HECW2: variants seen among roughly 807,000 people sequenced by gnomAD.
HECW2 encodes the protein E3 ubiquitin-protein ligase HECW2.
HECW2 carries 61 observed loss-of-function variants against 175.2 expected under a neutral mutation model. That is an observed-to-expected ratio of 0.35 (90% CI 0.28 to 0.43). HECW2 has a LOEUF of 0.43. HECW2 is among the 20% of genes least tolerant of loss of function. The pLI is 1.00. For synonymous variants in HECW2, 671 were observed against 731.0 expected, an observed-to-expected ratio of 0.92 and a Z score of 1.32; for missense variants, 1,524 against 2,000.5, an observed-to-expected ratio of 0.76 and a Z score of 4.54.
In HECW2 at chr2:196,198,113, A is replaced by T. The variant is rs1297632786; in HGVS notation, c.*3164T>A. 6.6e-6 allele frequency: 1 copy of T among 152,208 alleles called. No individual in the cohort carries two copies. The highest frequency in any genetic ancestry group is 1.5e-5 in the Non-Finnish European group (1 of 68,028). The allele number at this position is 152,208 out of a possible 1,614,324, so 9.4% of individuals were successfully genotyped here. ...AGGGATTGGGATTTTTCACACTGAA[A>T]ACCAATGGTGCATTGTAGAATAGAT... On this transcript the variant is annotated 3_prime_UTR_variant, in exon 29 of 29. Coordinates refer to ENST00000644978, the MANE Select transcript of HECW2 (RefSeq NM_001348768.2).
chr2:196,491,472 G>GTATA lies in HECW2; in HGVS notation c.-35-58018_-35-58015dup, dbSNP rs71012914. The stretch of plus-strand genomic sequence containing the variant: ...ACACACTTAGGTATATTAGGTGTGT[G>GTATA]TATATATATATATACACATATATAT... On this transcript the variant is annotated intron_variant, in intron 1 of 28. Coordinates refer to ENST00000644978, the MANE Select transcript of HECW2 (RefSeq NM_001348768.2). Among the ~76,000 whole-genome samples, 497 of 137,054 alleles carry GTATA rather than the reference G, an allele frequency of 3.6e-3. 5 individuals are homozygous for GTATA. Among genetic ancestry groups the GTATA allele is most frequent in the South Asian group, 8.1e-3 (34 of 4,220 alleles). 89.9% of individuals were successfully genotyped at this position (137,054 alleles called of 152,430 possible).
Position 196,433,174 on chromosome 2 carries a change from C to T in HECW2, c.250G>A (p.Glu84Lys), listed in dbSNP as rs760407954. 2 of 1,614,006 alleles carry T rather than the reference C, an allele frequency of 1.2e-6. No individual in the cohort carries two copies. The highest frequency in any genetic ancestry group is 2.7e-5 in the African/African-American group (2 of 74,944). Reference sequence around the variant, plus strand: ...ATCCAATCACTGGGGTCCACCTCCTCTTTAATGTCCCAGAAGATAATGAGG... The same window carrying T: ...ATCCAATCACTGGGGTCCACCTCCTTTTTAATGTCCCAGAAGATAATGAGG... ...QNLIIFWDIK[E>K]EVDPSDWIGL... is the part of the protein sequence containing the mutation. Residue 84 changes from glutamate (E) to lysine (K), a missense_variant, in exon 2 of 29, where the codon GAG (glutamate) becomes AAG (lysine). This residue lies in a region of HECW2 where 135 missense variants were observed against 214.6 expected (regional missense o/e 0.63). Transcript: ENST00000644978.
In HECW2 at chr2:196,366,823, C is replaced by G. The variant is rs568848798; in HGVS notation, c.293-23059G>C. ...CCCTTCTCTAATTCAATTTATAACTCTTTAACTGCACAGTTAATGGGTTCT... is the reference window on the plus strand; with the variant it reads ...CCCTTCTCTAATTCAATTTATAACTGTTTAACTGCACAGTTAATGGGTTCT... On this transcript the variant is annotated intron_variant, in intron 2 of 28. Coordinates refer to ENST00000644978, the MANE Select transcript of HECW2 (RefSeq NM_001348768.2). Among the ~76,000 whole-genome samples the G allele has an allele frequency of 5.2e-4, 79 of 152,262 alleles. No individual in the cohort carries two copies. In the Middle Eastern group the frequency reaches 0.024, roughly 46 times the overall value.
At chr2:196,461,575 G>T (rs1696745207) in intron 1 of HECW2, among the ~76,000 whole-genome samples, 1 of 152,194 alleles carries the variant, frequency 6.6e-6, no homozygotes, top group Non-Finnish European at 1.5e-5. Flanking sequence ...AACTGCCCAA[G>T]ACTGGGTAAT....
At chr2:196,210,470 T>A (rs981910129) in intron 28 of HECW2, among the ~76,000 whole-genome samples, 2 of 152,164 alleles carry the variant, frequency 1.3e-5, no homozygotes, top group Non-Finnish European at 2.9e-5. Context: ...ACTCCAAGCA[T>A]GCACCACCAT....
At chr2:196,232,915 C>T (rs992857065) in intron 21 of HECW2, among the ~76,000 whole-genome samples, 1 of 152,200 alleles carries the variant, frequency 6.6e-6, no homozygotes, top group Admixed American at 6.5e-5. Flanking sequence ...ACTCTAGAAG[C>T]ACTGATGGAG....
intron 15 of HECW2, among the ~76,000 whole-genome samples, chr2:196,278,091 A>G (rs571852047): frequency 4.2e-4 from 56 of 133,030 alleles, no homozygotes; most frequent in African/African-American, 1.5e-3. Flanking sequence ...ACAAACCTGC[A>G]CATTGTGCAC....
chr2:196,510,809 T>C (rs1386115802), intron 1 of HECW2, among the ~76,000 whole-genome samples: 1 of 152,218 alleles, frequency 6.6e-6, no homozygotes, highest in Non-Finnish European at 1.5e-5. Flanking sequence ...AGTATGAAGC[T>C]AATTTAATGG....
chr2:196,210,048 C>G (rs566485612), intron 28 of HECW2, among the ~76,000 whole-genome samples: 1 of 152,222 alleles, frequency 6.6e-6, no homozygotes, highest in African/African-American at 2.4e-5. Flanking sequence ...CAGGCGTGAG[C>G]CACTGTGCCC....
intron 1 of HECW2, among the ~76,000 whole-genome samples, chr2:196,532,697 G>A (rs914921861): frequency 4.6e-5 from 7 of 152,068 alleles, no homozygotes; most frequent in Non-Finnish European, 8.8e-5. Context: ...ATCTTCCAGG[G>A]CACATTCCTC....
intron 1 of HECW2, among the ~76,000 whole-genome samples, chr2:196,524,660 G>A: frequency 8.7e-6 from 1 of 114,626 alleles, no homozygotes; most frequent in East Asian, 2.0e-4. Context: ...GTGTCCCAGA[G>A]ATTCTGGTAT....
rs184120548 is a variant in HECW2, at chr2:196,460,066, C to T, written c.-35-26608G>A. 1.6e-4 allele frequency among the ~76,000 whole-genome samples: 25 copies of T among 152,222 alleles called. No individual in the cohort carries two copies. In the East Asian group the frequency reaches 3.7e-3, roughly 22 times the overall value. ...GGTCTCCAATGGAAGGCTATGCTTC[C>T]CAGTCTGTCAGAATGGCTACCCTGC... On this transcript the variant is annotated intron_variant, in intron 1 of 28. Coordinates refer to ENST00000644978, the MANE Select transcript of HECW2 (RefSeq NM_001348768.2).
intron 14 of HECW2, among the ~76,000 whole-genome samples, chr2:196,287,317 A>G (rs1218856729): frequency 6.6e-6 from 1 of 152,214 alleles, no homozygotes; most frequent in Non-Finnish European, 1.5e-5. Flanking sequence ...TATGGGAAAG[A>G]TATTTCACTT....
intron 21 of HECW2, 151 bp downstream of exon 21, chr2:196,240,298 T>TA (rs35227584): frequency 0.23 from 85,128 of 368,538 alleles, 4,065 homozygotes; most frequent in East Asian, 0.36. Context: ...AGGAGACCTT[T>TA]AAAAAAAAAA....
At position 196,433,485 on chromosome 2, in the gene HECW2, A is replaced by G. The variant is rs1695779158; in HGVS notation, c.-35-27T>C. On this transcript the variant is annotated intron_variant, in intron 1 of 28. Transcript: ENST00000644978. ...TGCAAGAGACAGATAAACATAAAAC[A>G]TTAGTGCTACAATACGAAGAATCAG... The G allele has an allele frequency of 1.4e-5, 22 of 1,524,740 alleles. No homozygotes were observed. In the South Asian group the frequency reaches 2.6e-4, roughly 18 times the overall value. 94.5% of individuals were successfully genotyped at this position (1,524,740 alleles called of 1,614,324 possible).
intron 2 of HECW2, among the ~76,000 whole-genome samples, chr2:196,408,893 G>T: frequency 6.6e-6 from 1 of 152,070 alleles, no homozygotes; most frequent in Non-Finnish European, 1.5e-5. Flanking sequence ...TCGCCATAAG[G>T]GGCCCACCTA....
chr2:196,333,894 C>T (rs907317999), intron 4 of HECW2, among the ~76,000 whole-genome samples: 1 of 152,156 alleles, frequency 6.6e-6, no homozygotes, highest in East Asian at 1.9e-4. Context: ...CATTGAGTGG[C>T]CACATTTTAC....
chr2:196,342,850 C>T (rs970974476), intron 3 of HECW2, among the ~76,000 whole-genome samples: 5 of 151,736 alleles, frequency 3.3e-5, no homozygotes, highest in South Asian at 2.1e-4. Context: ...TTAAATTAAG[C>T]GATATCTTGA....
At chr2:196,439,875 C>T (rs1235741146) in intron 1 of HECW2, among the ~76,000 whole-genome samples, 3 of 152,080 alleles carry the variant, frequency 2.0e-5, no homozygotes, top group African/African-American at 7.2e-5. Context: ...AGGAACCCAG[C>T]GCTGTTGGCA....
Sources: gnomAD v4.1 joint callset for allele counts (sites outside exome capture counted in the v4.1 genomes callset) on GRCh38, gnomAD v4.1.1 for gene constraint, gnomAD v4.1.1 regional missense constraint, MANE v1.5 for transcripts, NCBI Gene and HGNC (gene_info 2026-07-23, HGNC 2026-07-21) for gene names.